Variants in WWOX observed in about 807,000 individuals in gnomAD.
The protein encoded by WWOX is WW domain-containing oxidoreductase.
In WWOX, 69 loss-of-function variants were observed where a neutral mutation model predicts 46.2. The observed-to-expected ratio is 1.49, with a 90% CI of 1.23 to 1.82. The LOEUF is 1.82. WWOX is among the 40% of genes most tolerant of loss of function. The probability of loss-of-function intolerance (pLI) is 0.00; values close to 1 mark genes in which losing one functional copy is unlikely to be tolerated. For missense variants in WWOX, 919 were observed against 542.6 expected (o/e 1.69, Z -6.89); for synonymous variants, 359 against 202.6 (o/e 1.77, Z -6.56).
intron 5 of WWOX, among the ~76,000 whole-genome samples, chr16:78,315,294 C>A (rs1464557199): frequency 6.6e-6 from 1 of 151,776 alleles, no homozygotes; most frequent in Non-Finnish European, 1.5e-5. Flanking sequence ...GTTTTTTTTC[C>A]TTGTAAAAGC....
At chr16:78,770,628 G>T (rs923959794) in intron 8 of WWOX, among the ~76,000 whole-genome samples, 2 of 152,204 alleles carry the variant, frequency 1.3e-5, no homozygotes, top group Admixed American at 1.3e-4. Context: ...AAATCAGCCT[G>T]CAGGGGTGGA....
At chr16:78,623,118 A>T (rs2046229183) in intron 8 of WWOX, among the ~76,000 whole-genome samples, 1 of 152,004 alleles carries the variant, frequency 6.6e-6, no homozygotes, top group African/African-American at 2.4e-5. Flanking sequence ...CCCACTAGGC[A>T]ACTAGATTTC....
At chr16:78,211,049 G>C (rs1349068927) in intron 5 of WWOX, among the ~76,000 whole-genome samples, 1 of 152,122 alleles carries the variant, frequency 6.6e-6, no homozygotes, top group Non-Finnish European at 1.5e-5. Flanking sequence ...TTTTAGAATT[G>C]TGGGCAATTT....
chr16:78,810,988 G>A (rs757614049), intron 8 of WWOX, among the ~76,000 whole-genome samples: 17 of 152,150 alleles, frequency 1.1e-4, no homozygotes, highest in Non-Finnish European at 1.9e-4. Flanking sequence ...AACCGAGGAC[G>A]CATCAAAGAG....
chr16:78,630,705 A>G (rs2046408106), intron 8 of WWOX, among the ~76,000 whole-genome samples: 3 of 152,206 alleles, frequency 2.0e-5, no homozygotes, highest in Admixed American at 2.0e-4. Context: ...AATCTCAGCC[A>G]TGAGTGTGAC....
chr16:78,845,475 T>C (rs1016970475), intron 8 of WWOX, among the ~76,000 whole-genome samples: 7 of 152,180 alleles, frequency 4.6e-5, no homozygotes, highest in Admixed American at 2.0e-4. Context: ...CAAAGTATGC[T>C]CATGGATTCT....
chr16:78,260,187 G>C (rs1226468958), intron 5 of WWOX, among the ~76,000 whole-genome samples: 1 of 151,288 alleles, frequency 6.6e-6, no homozygotes, highest in African/African-American at 2.4e-5. Context: ...GGTGTGGGAG[G>C]GACCCAGGTG....
chr16:78,424,271 C>T (rs1002839055), intron 6 of WWOX, among the ~76,000 whole-genome samples: 5 of 151,908 alleles, frequency 3.3e-5, no homozygotes, highest in Admixed American at 2.0e-4. Flanking sequence ...ACATATACCA[C>T]CACACCTGGC....
At chr16:79,091,432 T>C (rs1189104383) in intron 8 of WWOX, among the ~76,000 whole-genome samples, 1 of 152,144 alleles carries the variant, frequency 6.6e-6, no homozygotes, top group Non-Finnish European at 1.5e-5. Flanking sequence ...TATACCAGCT[T>C]CCCCACTGGG....
At position 78,387,725 on chromosome 16, in the gene WWOX, A is replaced by T. The variant is rs374789152; in HGVS notation, c.605+777A>T. ...TTTTTACTCATATTTAGGGCAGGCA[A>T]TCCTGGTTTCTCGTTGAACATAGAG... On this transcript the variant is annotated intron_variant, in intron 6 of 8. Coordinates refer to ENST00000566780, the MANE Select transcript of WWOX (RefSeq NM_016373.4). 1.5e-4 allele frequency among the ~76,000 whole-genome samples: 23 copies of T among 152,288 alleles called. No homozygotes were observed. In the South Asian group the frequency reaches 4.6e-3, roughly 30 times the overall value.
At chr16:79,206,485 C>T (rs1437735361) in intron 8 of WWOX, 3 of 152,216 alleles carry the variant, frequency 2.0e-5, no homozygotes, top group Non-Finnish European at 2.9e-5. Flanking sequence ...GTCCCTGGCT[C>T]ATAGAGCTCT....
At chr16:78,322,281 TATTAGCCAGC>T (rs1467682847) in intron 5 of WWOX, among the ~76,000 whole-genome samples, 2 of 152,182 alleles carry the variant, frequency 1.3e-5, no homozygotes, top group African/African-American at 4.8e-5. Context: ...GCCTTCTGTG[TATTAGCCAGC>T]ATTAAGGGGA....
intron 5 of WWOX, among the ~76,000 whole-genome samples, chr16:78,365,518 A>G (rs1350468406): frequency 6.6e-6 from 1 of 152,176 alleles, no homozygotes; most frequent in Non-Finnish European, 1.5e-5. Flanking sequence ...TGACAAAAAG[A>G]TTCAGATTCC....
intron 8 of WWOX, among the ~76,000 whole-genome samples, chr16:78,792,380 C>T (rs1168145760): frequency 6.6e-6 from 1 of 152,126 alleles, no homozygotes; most frequent in Non-Finnish European, 1.5e-5. Flanking sequence ...CAGAAAAAAA[C>T]AGGCAGAAAC....
chr16:78,573,649 T>G (rs1322134337), intron 8 of WWOX, among the ~76,000 whole-genome samples: 1 of 152,218 alleles, frequency 6.6e-6, no homozygotes, highest in Admixed American at 6.5e-5. Context: ...TTTTAATGCA[T>G]TTTCTTGAAT....
chr16:78,506,947 C>T (rs1441866185), intron 8 of WWOX, among the ~76,000 whole-genome samples: 2 of 152,120 alleles, frequency 1.3e-5, no homozygotes, highest in East Asian at 3.9e-4. Context: ...CTCCTGACCT[C>T]AAGTGATCCT....
At chr16:78,391,586 A>G in intron 6 of WWOX, among the ~76,000 whole-genome samples, 1 of 152,226 alleles carries the variant, frequency 6.6e-6, no homozygotes, top group East Asian at 1.9e-4. Context: ...GGTGGCTCAC[A>G]CATGTAATCC....
intron 8 of WWOX, among the ~76,000 whole-genome samples, chr16:78,717,844 G>T (rs1031903085): frequency 1.2e-4 from 18 of 152,106 alleles, no homozygotes; most frequent in African/African-American, 4.1e-4. Flanking sequence ...TTCCCTCTCT[G>T]TCTTTCCCAC....
At chr16:78,120,117 A>G (rs530671310) in intron 4 of WWOX, among the ~76,000 whole-genome samples, 10 of 152,246 alleles carry the variant, frequency 6.6e-5, no homozygotes, top group South Asian at 4.2e-4. Context: ...TGCATTTTCT[A>G]TTGGTACTTA....
Sources: gnomAD v4.1 joint callset for allele counts (sites outside exome capture counted in the v4.1 genomes callset) on GRCh38, gnomAD v4.1.1 for gene constraint, MANE v1.5 for transcripts, NCBI Gene and HGNC (gene_info 2026-07-23, HGNC 2026-07-21) for gene names.